Variants in SLIT3 observed in about 807,000 individuals in gnomAD.
SLIT3 encodes slit homolog 3 protein.
Under a neutral mutation model 184.0 loss-of-function variants are expected in SLIT3, and 68 were observed. The ratio of observed to expected loss-of-function variants is 0.37; its 90% CI spans 0.30 to 0.45. SLIT3 has a LOEUF of 0.45. SLIT3 is among the 20% of genes least tolerant of loss of function. SLIT3 has a pLI of 1.00. For missense variants in SLIT3, 1,707 were observed against 2,026.0 expected, an observed-to-expected ratio of 0.84 and a Z score of 3.02; for synonymous variants, 831 against 828.6, an observed-to-expected ratio of 1.00 and a Z score of -0.05.
At chr5:168,846,071 G>A (rs1437843877) in intron 5 of SLIT3, among the ~76,000 whole-genome samples, 5 of 152,126 alleles carry the variant, frequency 3.3e-5, no homozygotes, top group African/African-American at 4.8e-5. Context: ...TATTATCTTT[G>A]GATAAGTATC....
intron 4 of SLIT3, chr5:169,012,424 G>C (rs1756190957): frequency 6.6e-6 from 1 of 152,218 alleles, no homozygotes; most frequent in African/African-American, 2.4e-5. Context: ...AACTGTGAAA[G>C]GTCAGCAGGA....
intron 6 of SLIT3, among the ~76,000 whole-genome samples, chr5:168,825,884 C>T (rs1478057723): frequency 1.3e-5 from 2 of 152,216 alleles, no homozygotes; most frequent in East Asian, 3.9e-4. Context: ...CCCTCCATTT[C>T]ACCTTCTGTC....
chr5:169,295,548 TG>T (rs2113665787), intron 1 of SLIT3, among the ~76,000 whole-genome samples: 1 of 152,358 alleles, frequency 6.6e-6, no homozygotes, highest in East Asian at 1.9e-4. Flanking sequence ...TAGTGTAACA[TG>T]CCCACAGTGC....
chr5:168,748,473 T>C (rs1426113198), intron 19 of SLIT3, 39 bp from the exon 20 acceptor site: 17 of 1,499,122 alleles, frequency 1.1e-5, no homozygotes, highest in Non-Finnish European at 1.5e-5. Flanking sequence ...TTGTGGGAGA[T>C]AAGCCCCACT....
intron 4 of SLIT3, among the ~76,000 whole-genome samples, chr5:169,067,649 T>C (rs1042138840): frequency 2.0e-5 from 3 of 152,156 alleles, no homozygotes; most frequent in Non-Finnish European, 4.4e-5. Flanking sequence ...ACTAGTGACC[T>C]AAAGATACTT....
chr5:168,744,038 C>T (rs1248596470), intron 20 of SLIT3, among the ~76,000 whole-genome samples: 1 of 152,196 alleles, frequency 6.6e-6, no homozygotes, highest in Non-Finnish European at 1.5e-5. Context: ...ACATGTAATC[C>T]CAGCACTCTG....
chr5:168,877,285 T>A (rs1347073873), intron 5 of SLIT3, among the ~76,000 whole-genome samples: 1 of 152,072 alleles, frequency 6.6e-6, no homozygotes, highest in African/African-American at 2.4e-5. Flanking sequence ...ATGTGAAGGA[T>A]CAGAAGGAGC....
intron 9 of SLIT3, among the ~76,000 whole-genome samples, chr5:168,803,971 C>T (rs1756860440): frequency 6.7e-6 from 1 of 149,034 alleles, no homozygotes; most frequent in African/African-American, 2.5e-5. Flanking sequence ...ATGGGTAGGG[C>T]AAGGGAGAGA....
chr5:168,715,480 C>T (rs992487744), intron 23 of SLIT3, among the ~76,000 whole-genome samples: 1 of 152,074 alleles, frequency 6.6e-6, no homozygotes. Flanking sequence ...CCTAAGGGAG[C>T]CAAGGAGAGA....
chr5:168,959,191 A>G (rs1384484982), intron 4 of SLIT3, among the ~76,000 whole-genome samples: 1 of 152,264 alleles, frequency 6.6e-6, no homozygotes, highest in Non-Finnish European at 1.5e-5. Context: ...AGAACTTCAA[A>G]GCCTGGGTTT....
At chr5:169,139,547 C>T (rs1018595840) in intron 4 of SLIT3, among the ~76,000 whole-genome samples, 3 of 152,228 alleles carry the variant, frequency 2.0e-5, no homozygotes, top group Non-Finnish European at 4.4e-5. Context: ...CCCAGCCCCA[C>T]ACTCAGCTAC....
chr5:168,791,586 C>T (rs749853628), intron 10 of SLIT3: 7 of 152,218 alleles, frequency 4.6e-5, no homozygotes, highest in Non-Finnish European at 1.0e-4. Flanking sequence ...CCTCCTTTTT[C>T]ACTACTGTAC....
At chr5:169,084,588 G>A (rs186551344) in intron 4 of SLIT3, among the ~76,000 whole-genome samples, 94 of 151,958 alleles carry the variant, frequency 6.2e-4, no homozygotes, top group Admixed American at 1.1e-3. Flanking sequence ...GATTACAGGC[G>A]TGTGCCACCG....
At chr5:168,757,023 C>T (rs1398503269) in intron 16 of SLIT3, among the ~76,000 whole-genome samples, 1 of 152,226 alleles carries the variant, frequency 6.6e-6, no homozygotes, top group African/African-American at 2.4e-5. Context: ...GCCGTCTCTA[C>T]ATCCATCAAA....
intron 11 of SLIT3, among the ~76,000 whole-genome samples, chr5:168,786,893 G>A (rs1259955842): frequency 6.6e-6 from 1 of 152,160 alleles, no homozygotes; most frequent in Non-Finnish European, 1.5e-5. Flanking sequence ...ACTGATCGTA[G>A]GAGAGTTTGG....
intron 4 of SLIT3, among the ~76,000 whole-genome samples, chr5:169,182,366 G>A (rs1228376141): frequency 6.6e-6 from 1 of 152,174 alleles, no homozygotes; most frequent in Non-Finnish European, 1.5e-5. Context: ...TGTTAATATT[G>A]TATCAACACT....
At chr5:169,110,037 G>A (rs1371548706) in intron 4 of SLIT3, among the ~76,000 whole-genome samples, 1 of 152,186 alleles carries the variant, frequency 6.6e-6, no homozygotes, top group Admixed American at 6.5e-5. Context: ...CATTACACTT[G>A]TAGATAGATC....
At chr5:168,774,161 G>A (rs1755658105) in intron 13 of SLIT3, 74 bp downstream of exon 13, 1 of 1,421,640 alleles carries the variant, frequency 7.0e-7, no homozygotes, top group Admixed American at 2.1e-5. Context: ...CCCTCATTTG[G>A]GTGTTTTTCA....
chr5:169,226,410 C>T (rs1764811299), intron 3 of SLIT3, among the ~76,000 whole-genome samples: 1 of 152,144 alleles, frequency 6.6e-6, no homozygotes, highest in Admixed American at 6.5e-5. Flanking sequence ...CCCCCCTACT[C>T]AGTCCAGTCA....
Sources: allele counts gnomAD v4.1 joint callset (sites outside exome capture counted in the v4.1 genomes callset), GRCh38; gene constraint gnomAD v4.1.1; transcripts MANE v1.5; gene names NCBI Gene and HGNC (gene_info 2026-07-23, HGNC 2026-07-21).